Variants in IHO1 observed in about 807,000 individuals in gnomAD.
IHO1 encodes interactor of HORMAD1 protein 1.
A neutral mutation model predicts 31.0 loss-of-function variants in IHO1; 13 were observed. The ratio of observed to expected loss-of-function variants is 0.42; its 90% CI spans 0.27 to 0.67. The LOEUF (loss-of-function observed/expected upper bound fraction) is 0.67, where lower values mean the gene tolerates loss of function less well. Among genes scored for constraint, IHO1 ranks in the 30% least tolerant of loss-of-function variants. The pLI, the probability that IHO1 is intolerant of heterozygous loss-of-function variation, is 0.24. For missense variants in IHO1, 599 were observed against 687.5 expected (o/e 0.87, Z 1.44); for synonymous variants, 221 against 248.4 (o/e 0.89, Z 1.04).
intron 2 of IHO1, among the ~76,000 whole-genome samples, chr3:49,226,209 C>A (rs2046415156): frequency 6.6e-6 from 1 of 151,978 alleles, no homozygotes; most frequent in African/African-American, 2.4e-5. Flanking sequence ...TCTCACTTTT[C>A]CTTTTGGGCC....
At chr3:49,232,326 A>G (rs1232664839) in intron 2 of IHO1, among the ~76,000 whole-genome samples, 1 of 152,242 alleles carries the variant, frequency 6.6e-6, no homozygotes, top group East Asian at 1.9e-4. Context: ...ATCTAGCATG[A>G]TTGACTTTAA....
chr3:49,213,241 G>A (rs1186726937), intron 2 of IHO1, among the ~76,000 whole-genome samples: 1 of 151,780 alleles, frequency 6.6e-6, no homozygotes, highest in Non-Finnish European at 1.5e-5. Context: ...GCACTGATTG[G>A]TGCATTTACA....
At chr3:49,228,945 A>C (rs1282641047) in intron 2 of IHO1, among the ~76,000 whole-genome samples, 4 of 152,118 alleles carry the variant, frequency 2.6e-5, no homozygotes, top group African/African-American at 9.7e-5. Flanking sequence ...TTACAGAGAG[A>C]TGACTGGTCC....
At chr3:49,224,022 T>C (rs1575574431) in intron 2 of IHO1, among the ~76,000 whole-genome samples, 1 of 152,284 alleles carries the variant, frequency 6.6e-6, no homozygotes, top group East Asian at 1.9e-4. Flanking sequence ...CGGAAGAGAT[T>C]TGGCCCTGTA....
intron 2 of IHO1, among the ~76,000 whole-genome samples, chr3:49,217,180 C>T (rs888199303): frequency 1.3e-5 from 2 of 152,112 alleles, no homozygotes; most frequent in African/African-American, 4.8e-5. Context: ...GATAAAGACA[C>T]ATGCACATGT....
intron 2 of IHO1, among the ~76,000 whole-genome samples, chr3:49,218,745 A>C (rs1480832422): frequency 6.6e-6 from 1 of 152,200 alleles, no homozygotes; most frequent in Non-Finnish European, 1.5e-5. Flanking sequence ...AACAGGTTAT[A>C]TAACAAGTGG....
intron 2 of IHO1, among the ~76,000 whole-genome samples, chr3:49,223,010 G>C (rs956315648): frequency 8.5e-5 from 13 of 152,166 alleles, no homozygotes; most frequent in Admixed American, 7.9e-4. Context: ...TAGATCTCCT[G>C]GTTGAAACAA....
chr3:49,253,238 C>G (rs992511858), intron 6 of IHO1, among the ~76,000 whole-genome samples: 1 of 151,950 alleles, frequency 6.6e-6, no homozygotes, highest in African/African-American at 2.4e-5. Flanking sequence ...CCAGCCTGGC[C>G]AACATGGCAA....
chr3:49,244,713 T>C lies in IHO1; in HGVS notation c.512T>C (p.Leu171Ser), dbSNP rs1222496457. 1 of 1,614,194 alleles carries C rather than the reference T, an allele frequency of 6.2e-7. No individual in the cohort carries two copies. Among genetic ancestry groups the C allele is most frequent in the Non-Finnish European group, 8.5e-7 (1 of 1,180,030 alleles). ...AGAAGCCAATCTATTTTGGATTCTT[T>C]GGAGACTGTGGCCAAGACATGTGAG... ...SSRSQSILDS[L>S]ETVAKTLQET... Residue 171 changes from leucine (L) to serine (S), a missense_variant, in exon 6 of 8, where the codon TTG (leucine) becomes TCG (serine). Coordinates refer to ENST00000452691, the MANE Select transcript of IHO1 (RefSeq NM_001135197.2).
intron 2 of IHO1, among the ~76,000 whole-genome samples, chr3:49,218,378 T>A (rs1029388800): frequency 8.8e-6 from 1 of 113,146 alleles, no homozygotes; most frequent in East Asian, 2.3e-4. Context: ...GTTAATACCT[T>A]TTTTTTTTTT....
intron 6 of IHO1, among the ~76,000 whole-genome samples, chr3:49,249,048 T>C (rs1223688440): frequency 6.6e-6 from 1 of 152,160 alleles, no homozygotes; most frequent in Non-Finnish European, 1.5e-5. Context: ...TGTGTTGTTA[T>C]GTAATTGGTG....
chr3:49,253,317 C>T (rs1575589300), intron 6 of IHO1, among the ~76,000 whole-genome samples: 1 of 151,094 alleles, frequency 6.6e-6, no homozygotes, highest in Non-Finnish European at 1.5e-5. Context: ...CCTAGCTACT[C>T]CGGAGGCTGA....
intron 2 of IHO1, among the ~76,000 whole-genome samples, chr3:49,219,415 C>T (rs1313156349): frequency 6.6e-6 from 1 of 152,034 alleles, no homozygotes; most frequent in East Asian, 1.9e-4. Flanking sequence ...TTGTTTTGGC[C>T]CATCCCTTTG....
At chr3:49,223,608 G>A (rs376493769) in intron 2 of IHO1, among the ~76,000 whole-genome samples, 6 of 151,842 alleles carry the variant, frequency 4.0e-5, no homozygotes, top group Admixed American at 2.0e-4. Context: ...GGAGAATGGC[G>A]CGAACCCGGG....
upstream of IHO1, among the ~76,000 whole-genome samples, chr3:49,195,872 T>C (rs1018285443): frequency 3.2e-4 from 47 of 147,160 alleles, no homozygotes; most frequent in South Asian, 9.5e-3. Context: ...GAGGCCAAGG[T>C]GGGCGGATCA....
chr3:49,196,309 T>C (rs1261993935), upstream of IHO1, among the ~76,000 whole-genome samples: 3 of 149,382 alleles, frequency 2.0e-5, no homozygotes, highest in Non-Finnish European at 4.4e-5. Context: ...TTCAACTCTA[T>C]CTGTAACGTT....
chr3:49,241,487 G>C, intron 4 of IHO1, 98 bp downstream of exon 4: 2 of 1,173,138 alleles, frequency 1.7e-6, no homozygotes, highest in Non-Finnish European at 2.4e-6. Flanking sequence ...TAGCATAATA[G>C]CATGTATTAG....
chr3:49,241,439 A>G (rs1273257363), intron 4 of IHO1, 50 bp downstream of exon 4: 1 of 1,514,092 alleles, frequency 6.6e-7, no homozygotes, highest in South Asian at 1.2e-5. Context: ...TCTGAGTAAA[A>G]CAAGACATAG....
chr3:49,218,504 C>T (rs1337052668), intron 2 of IHO1, among the ~76,000 whole-genome samples: 1 of 150,660 alleles, frequency 6.6e-6, no homozygotes, highest in Non-Finnish European at 1.5e-5. Context: ...GCCTCAGACT[C>T]CCAAGTAGCA....
Sources: allele counts gnomAD v4.1 joint callset (sites outside exome capture counted in the v4.1 genomes callset), GRCh38; gene constraint gnomAD v4.1.1; transcripts MANE v1.5; gene names NCBI Gene and HGNC (gene_info 2026-07-23, HGNC 2026-07-21).